The following DSG4 variants were observed in gnomAD, a reference collection of about 807,000 sequenced individuals.
The protein encoded by DSG4 is desmoglein-4.
Under a neutral mutation model 93.1 loss-of-function variants are expected in DSG4, and 87 were observed. The observed-to-expected ratio is 0.93, with a 90% CI of 0.79 to 1.12. DSG4 has a LOEUF of 1.12. Ranked by LOEUF, DSG4 falls within the 50% of genes most tolerant of loss-of-function variation. The pLI, the probability that DSG4 is intolerant of heterozygous loss-of-function variation, is 0.00. For missense variants in DSG4, 1,373 were observed against 1,285.7 expected, an observed-to-expected ratio of 1.07 and a Z score of -1.04; for synonymous variants, 432 against 452.9, an observed-to-expected ratio of 0.95 and a Z score of 0.59.
chr18:31,402,900 C>T (rs1039091284), intron 10 of DSG4, among the ~76,000 whole-genome samples: 1 of 152,036 alleles, frequency 6.6e-6, no homozygotes, highest in African/African-American at 2.4e-5. Flanking sequence ...AAAGAAATAG[C>T]ATGTAACAGA....
chr18:31,393,023 T>G (rs944032746), intron 8 of DSG4, among the ~76,000 whole-genome samples: 2 of 152,172 alleles, frequency 1.3e-5, no homozygotes, highest in Non-Finnish European at 2.9e-5. Flanking sequence ...TTACTTGCTT[T>G]TAATTCACAG....
intron 15 of DSG4, among the ~76,000 whole-genome samples, chr18:31,412,023 G>GTA (rs2072500305): frequency 6.6e-6 from 1 of 152,116 alleles, no homozygotes; most frequent in African/African-American, 2.4e-5. Context: ...GCACTGCTGG[G>GTA]TATATATCCA....
At chr18:31,390,146 T>A (rs544974016) in intron 5 of DSG4, among the ~76,000 whole-genome samples, 4 of 152,214 alleles carry the variant, frequency 2.6e-5, no homozygotes, top group African/African-American at 9.6e-5. Flanking sequence ...TATAAATTTG[T>A]GACTGTTTGG....
rs776691912 is a variant in DSG4, at chr18:31,412,900, G to A, written c.2428G>A (p.Gly810Arg). The change falls in exon 16 of 16, where the codon GGA becomes AGA. Residue 810 changes from glycine to arginine, a missense_variant. Coordinates refer to ENST00000308128, the MANE Select transcript of DSG4 (RefSeq NM_177986.5). Reference sequence around the variant, plus strand: ...CTGCTTGCTCATTTATGACCACGAGGGAGTCGGGTCTCCCGTAGGCTCTAT... The same window carrying A: ...CTGCTTGCTCATTTATGACCACGAGAGAGTCGGGTCTCCCGTAGGCTCTAT... ...NDCLLIYDHE[G>R]VGSPVGSIGC... 1.9e-6 allele frequency: 3 copies of A among 1,614,166 alleles called. No individual in the cohort carries two copies. In the East Asian group the frequency reaches 6.7e-5, roughly 36 times the overall value.
chr18:31,397,949 T>C (rs555195930), intron 8 of DSG4, among the ~76,000 whole-genome samples: 89 of 140,486 alleles, frequency 6.3e-4, no homozygotes, highest in Admixed American at 2.0e-3. Flanking sequence ...ATTGCTTGAA[T>C]CCAGGAGGCA....
In DSG4 at chr18:31,413,305, G is replaced by A; in HGVS notation, c.2833G>A (p.Asp945Asn). The change falls in exon 16 of 16, where the codon GAT (aspartate) becomes AAT (asparagine). Residue 945 changes from aspartate (D) to asparagine (N), a missense_variant. Coordinates refer to ENST00000308128, the MANE Select transcript of DSG4 (RefSeq NM_177986.5). ...VTEAVMAPVY[D>N]IQGNICVPAE... Reference sequence around the variant, plus strand: ...CGAAGCAGTAATGGCACCTGTCTATGATATTCAAGGGAATATTTGTGTACC... The same window carrying A: ...CGAAGCAGTAATGGCACCTGTCTATAATATTCAAGGGAATATTTGTGTACC... 6.2e-7 allele frequency: 1 copy of A among 1,614,144 alleles called. No homozygotes were observed. Among genetic ancestry groups the A allele is most frequent in the African/African-American group, 1.3e-5 (1 of 75,030 alleles).
chr18:31,411,168 T>A, intron 14 of DSG4, 63 bp from the exon 15 acceptor site: 1 of 1,614,144 alleles, frequency 6.2e-7, no homozygotes, highest in Non-Finnish European at 8.5e-7. Context: ...GGCGGCAGCG[T>A]TTTAGGCAGA....
intron 4 of DSG4, 21 bp from the exon 5 acceptor site, chr18:31,388,853 C>T: frequency 6.2e-7 from 1 of 1,613,222 alleles, no homozygotes; most frequent in Non-Finnish European, 8.5e-7. Context: ...AAAAAGATGG[C>T]TTTTTTCCAA....
intron 5 of DSG4, 60 bp from the exon 6 acceptor site, chr18:31,390,596 T>G: frequency 6.2e-7 from 1 of 1,602,260 alleles, no homozygotes; most frequent in East Asian, 2.2e-5. Context: ...TTATGCCTAA[T>G]GATTTGCTGA....
intron 10 of DSG4, among the ~76,000 whole-genome samples, chr18:31,402,500 A>G (rs765268564): frequency 6.6e-6 from 1 of 152,222 alleles, no homozygotes; most frequent in Non-Finnish European, 1.5e-5. Context: ...GTATATAAAC[A>G]TATTATACAA....
At chr18:31,381,987 C>T (rs1598733943) in intron 1 of DSG4, among the ~76,000 whole-genome samples, 1 of 152,092 alleles carries the variant, frequency 6.6e-6, no homozygotes, top group African/African-American at 2.4e-5. Flanking sequence ...GTATCTTAAG[C>T]ATTTTTATAT....
intron 8 of DSG4, among the ~76,000 whole-genome samples, chr18:31,396,479 G>A (rs1220741235): frequency 3.4e-5 from 5 of 147,696 alleles, no homozygotes; most frequent in East Asian, 2.0e-4. Flanking sequence ...ATCAGCCTCC[G>A]GAGTAGCTGG....
At chr18:31,399,226 G>A in intron 8 of DSG4, 46 bp from the exon 9 acceptor site, 1 of 1,611,062 alleles carries the variant, frequency 6.2e-7, no homozygotes, top group African/African-American at 1.3e-5. Context: ...TTTATCGAAA[G>A]AGAGTTCTTT....
At position 31,387,301 on chromosome 18, in the gene DSG4, A is replaced by G. The variant is rs560397527; in HGVS notation, c.216+482A>G. Among the ~76,000 whole-genome samples the G allele has an allele frequency of 2.6e-5, 4 of 152,280 alleles. No homozygotes were observed. In the South Asian group the frequency reaches 8.3e-4, roughly 32 times the overall value. ...TACTGAAAAGGAAGGAGAGTTAAAG[A>G]ATGTGTAATAAATTGATCCAGGAAG... On this transcript the variant is annotated intron_variant, in intron 3 of 15. Coordinates refer to ENST00000308128, the MANE Select transcript of DSG4 (RefSeq NM_177986.5).
Position 31,409,596 on chromosome 18 carries a change from G to A in DSG4, c.2073+5G>A, listed in dbSNP as rs759395742. On this transcript the variant is annotated splice_donor_5th_base_variant and intron_variant, in intron 13 of 15. Coordinates refer to ENST00000308128, the MANE Select transcript of DSG4 (RefSeq NM_177986.5). Reference sequence around the variant, plus strand: ...GGGGCCCATCCCGAGGACAGGGTAAGTGGACTGTCACTCTCCAGAGAAGTG... The same window carrying A: ...GGGGCCCATCCCGAGGACAGGGTAAATGGACTGTCACTCTCCAGAGAAGTG... 1.2e-6 allele frequency: 2 copies of A among 1,614,248 alleles called. No homozygotes were observed. The highest frequency in any genetic ancestry group is 2.2e-5 in the South Asian group (2 of 91,086).
intron 2 of DSG4, 35 bp downstream of exon 2, chr18:31,385,206 A>G: frequency 6.8e-7 from 1 of 1,469,736 alleles, no homozygotes; most frequent in Non-Finnish European, 9.3e-7. Flanking sequence ...TCAATTTAAA[A>G]TTAAAACAAA....
At chr18:31,408,688 T>C (rs1290735886) in intron 12 of DSG4, among the ~76,000 whole-genome samples, 1 of 152,232 alleles carries the variant, frequency 6.6e-6, no homozygotes, top group Non-Finnish European at 1.5e-5. Context: ...TATCCTTCTA[T>C]TCTTTATCTT....
At chr18:31,379,457 G>A (rs1340904415) in intron 1 of DSG4, among the ~76,000 whole-genome samples, 1 of 152,158 alleles carries the variant, frequency 6.6e-6, no homozygotes, top group Admixed American at 6.5e-5. Context: ...TCTATGGATT[G>A]TATAAATTTT....
chr18:31,400,989 G>A lies in DSG4; in HGVS notation c.1386G>A (p.Gly462=), dbSNP rs1466140755. Residue 462 remains glycine (G), a synonymous_variant, in exon 10 of 16, where the codon GGG becomes GGA. Transcript: ENST00000308128. ...AGAAGTCAAAATATATTATCAATGGGATATACACAGCAGAGATCCTGGCTA... is the reference window on the plus strand; with the variant it reads ...AGAAGTCAAAATATATTATCAATGGAATATACACAGCAGAGATCCTGGCTA... The part of the protein sequence containing the change: ...FDKKSKYIIN[G]IYTAEILAID... The A allele has an allele frequency of 1.2e-6, 2 of 1,609,382 alleles. No homozygotes were observed. The highest frequency in any genetic ancestry group is 1.7e-5 in the Admixed American group (1 of 59,848).
Sources: allele counts gnomAD v4.1 joint callset (sites outside exome capture counted in the v4.1 genomes callset), GRCh38; gene constraint gnomAD v4.1.1; transcripts MANE v1.5; gene names NCBI Gene and HGNC (gene_info 2026-07-23, HGNC 2026-07-21).